MRPS5: variants seen among roughly 807,000 people sequenced by gnomAD.
MRPS5 encodes mitochondrial ribosomal protein S5, also known as small ribosomal subunit protein uS5m.
Under a neutral mutation model 51.9 loss-of-function variants are expected in MRPS5, and 27 were observed. The observed-to-expected ratio is 0.52, with a 90% CI of 0.38 to 0.72. The LOEUF is 0.72. MRPS5 is among the 30% of genes least tolerant of loss of function. MRPS5 has a pLI of 0.00. For synonymous variants in MRPS5, 196 were observed against 193.2 expected (o/e 1.01, Z -0.12); for missense variants, 570 against 545.7 (o/e 1.04, Z -0.44).
rs568147824 is a variant in MRPS5 at position 95,088,796 on chromosome 2, C to T, written c.1069-1215G>A. ...TAAAAGAACAAGTCTAGGCTGGGCG[C>T]GGTGGCTCACGCCTGTAATCCCAGC... On this transcript the variant is annotated intron_variant, in intron 11 of 11. Coordinates refer to ENST00000272418, the MANE Select transcript of MRPS5 (RefSeq NM_031902.5). Among the ~76,000 whole-genome samples the T allele has an allele frequency of 2.1e-3, 325 of 152,314 alleles. 1 individual carries two copies. The highest frequency in any genetic ancestry group is 7.5e-3 in the African/African-American group (311 of 41,568).
chr2:95,121,247 C>T (rs1676438554), intron 1 of MRPS5, among the ~76,000 whole-genome samples: 1 of 152,240 alleles, frequency 6.6e-6, no homozygotes, highest in Non-Finnish European at 1.5e-5. Flanking sequence ...TTAAAATACA[C>T]ATATTCGGGC....
chr2:95,120,766 A>C lies in MRPS5; in HGVS notation c.58+968T>G, dbSNP rs2104435408. Among the ~76,000 whole-genome samples the C allele has an allele frequency of 1.3e-5, 2 of 152,340 alleles. 1 individual carries two copies. The highest frequency in any genetic ancestry group is 4.1e-4 in the South Asian group (2 of 4,824). ...TATACCTCATGAAGGCATTTCGAAGATAAGGTGAGGAAAATGAAGGAAAGC... is the reference window on the plus strand; with the variant it reads ...TATACCTCATGAAGGCATTTCGAAGCTAAGGTGAGGAAAATGAAGGAAAGC... On this transcript the variant is annotated intron_variant, in intron 1 of 11. Transcript: ENST00000272418.
At chr2:95,117,631 A>G (rs967542762) in intron 2 of MRPS5, among the ~76,000 whole-genome samples, 3 of 151,384 alleles carry the variant, frequency 2.0e-5, no homozygotes, top group African/African-American at 7.3e-5. Flanking sequence ...ACTATTTCAT[A>G]AAGCCTTGAA....
intron 7 of MRPS5, among the ~76,000 whole-genome samples, chr2:95,102,303 A>T (rs1478517735): frequency 1.3e-5 from 2 of 152,124 alleles, no homozygotes; most frequent in Admixed American, 1.3e-4. Flanking sequence ...CACTCAATTT[A>T]AAAAAAACTA....
chr2:95,110,109 G>A, intron 3 of MRPS5, 68 bp from the exon 4 acceptor site: 3 of 1,546,448 alleles, frequency 1.9e-6, no homozygotes, highest in Non-Finnish European at 2.6e-6. Flanking sequence ...ATCTCCTATT[G>A]AATAATAAGA....
chr2:95,097,544 A>ACACATCTACAAC (rs1481378223), intron 10 of MRPS5, among the ~76,000 whole-genome samples: 2 of 152,292 alleles, frequency 1.3e-5, no homozygotes, highest in East Asian at 3.9e-4. Flanking sequence ...AAACAACACC[A>ACACATCTACAAC]CACATCTACA....
At chr2:95,114,345 C>T (rs1461664630) in intron 3 of MRPS5, among the ~76,000 whole-genome samples, 6 of 151,440 alleles carry the variant, frequency 4.0e-5, no homozygotes, top group Non-Finnish European at 8.8e-5. Flanking sequence ...GCAAGCTCCG[C>T]CTCCCGGGTT....
chr2:95,121,754 AC>A lies in MRPS5; in HGVS notation c.37del (p.Val13CysfsTer17). On this transcript the variant is annotated frameshift_variant, in exon 1 of 12. Transcript: ENST00000272418. LOFTEE classifies it high-confidence loss of function. ...TAVRAVGCLP[V>X]LCSGTAGHLL... ...CTCACCTGCCGTCCCGCTACACAGC[AC>A]GGGGAGGCAGCCCACAGCGCGCACC... 1 of 1,552,940 alleles carries A rather than the reference AC, an allele frequency of 6.4e-7. No individual in the cohort carries two copies. The highest frequency in any genetic ancestry group is 8.6e-7 in the Non-Finnish European group (1 of 1,158,610).
At chr2:95,118,155 G>A (rs1215074750) in intron 1 of MRPS5, among the ~76,000 whole-genome samples, 1 of 152,070 alleles carries the variant, frequency 6.6e-6, no homozygotes, top group Non-Finnish European at 1.5e-5. Flanking sequence ...AAGCCCTTCA[G>A]TCTCCTCAAA....
chr2:95,098,613 C>T (rs972770979), intron 10 of MRPS5, among the ~76,000 whole-genome samples: 1 of 152,102 alleles, frequency 6.6e-6, no homozygotes, highest in Non-Finnish European at 1.5e-5. Context: ...CGCATGTTCT[C>T]ACTCATAGGT....
At chr2:95,108,945 AC>A (rs1247642316) in intron 4 of MRPS5, among the ~76,000 whole-genome samples, 1 of 151,994 alleles carries the variant, frequency 6.6e-6, no homozygotes, top group Admixed American at 6.5e-5. Flanking sequence ...AATACATAAT[AC>A]CTTTTGTATT....
rs755031376 is a variant in MRPS5, at chr2:95,121,777, C to T, written c.15G>A (p.Val5=). 3.9e-6 allele frequency: 6 copies of T among 1,552,024 alleles called. No homozygotes were observed. Among genetic ancestry groups the T allele is most frequent in the Middle Eastern group, 1.8e-4 (1 of 5,536 alleles). The part of the protein sequence containing the change: MATA[V]RAVGCLPVLC... ...GCACGGGGAGGCAGCCCACAGCGCG[C>T]ACCGCGGTCGCCATGCTGGAGTCCG... The change falls in exon 1 of 12, where the codon GTG becomes GTA. Residue 5 remains valine, a synonymous_variant. Coordinates refer to ENST00000272418, the MANE Select transcript of MRPS5 (RefSeq NM_031902.5).
At chr2:95,098,965 C>G (rs926837324) in intron 10 of MRPS5, among the ~76,000 whole-genome samples, 3 of 147,300 alleles carry the variant, frequency 2.0e-5, no homozygotes, top group Non-Finnish European at 4.5e-5. Flanking sequence ...TTTACCCAAG[C>G]TGGACTGCAG....
At chr2:95,121,846 TACCGC>T, upstream of MRPS5, 1 of 1,484,416 alleles carries the variant, frequency 6.7e-7, no homozygotes. Context: ...GCCCACCGCC[TACCGC>T]GACTGCTCCT....
intron 10 of MRPS5, among the ~76,000 whole-genome samples, chr2:95,094,797 C>T (rs1480619987): frequency 2.0e-5 from 3 of 152,140 alleles, no homozygotes; most frequent in Non-Finnish European, 4.4e-5. Flanking sequence ...TAAAGACCAT[C>T]GATGCTAGGA....
At chr2:95,105,308 G>C (rs757424300) in intron 6 of MRPS5, among the ~76,000 whole-genome samples, 1 of 152,140 alleles carries the variant, frequency 6.6e-6, no homozygotes, top group Non-Finnish European at 1.5e-5. Flanking sequence ...CCAGCACTTC[G>C]GGAGGCCGAC....
chr2:95,116,303 T>C (rs1415198144), intron 2 of MRPS5, among the ~76,000 whole-genome samples: 1 of 151,754 alleles, frequency 6.6e-6, no homozygotes, highest in African/African-American at 2.4e-5. Flanking sequence ...TTAAATAAGA[T>C]ATTTAATCTT....
chr2:95,108,882 A>G (rs1558684079), intron 4 of MRPS5, among the ~76,000 whole-genome samples: 1 of 152,158 alleles, frequency 6.6e-6, no homozygotes, highest in Non-Finnish European at 1.5e-5. Context: ...TTTTTTTAAA[A>G]AAGAAGATAT....
intron 10 of MRPS5, among the ~76,000 whole-genome samples, chr2:95,094,475 AG>A (rs566093077): frequency 1.1e-3 from 163 of 152,364 alleles, no homozygotes; most frequent in Non-Finnish European, 1.9e-3. Context: ...TATCAAGGGC[AG>A]CCAGAGAGAA....
Sources: allele counts gnomAD v4.1 joint callset (sites outside exome capture counted in the v4.1 genomes callset), GRCh38; gene constraint gnomAD v4.1.1; transcripts MANE v1.5; gene names NCBI Gene and HGNC (gene_info 2026-07-23, HGNC 2026-07-21).